The following GRIN2D variants were observed in gnomAD, a reference collection of about 807,000 sequenced individuals.
GRIN2D encodes the protein glutamate ionotropic receptor NMDA type subunit 2D.
A neutral mutation model predicts 103.2 loss-of-function variants in GRIN2D; 37 were observed. The observed-to-expected ratio is 0.36, with a 90% CI of 0.28 to 0.47. The LOEUF (loss-of-function observed/expected upper bound fraction) is 0.47. Ranked by LOEUF, GRIN2D falls within the 20% of genes least tolerant of loss-of-function variation. GRIN2D has a pLI of 1.00. For synonymous variants in GRIN2D, 845 were observed against 885.6 expected, an observed-to-expected ratio of 0.95 and a Z score of 0.81; for missense variants, 1,557 against 1,910.6, an observed-to-expected ratio of 0.81 and a Z score of 3.45.
At chr19:48,429,640 C>G (rs1265971750) in intron 11 of GRIN2D, among the ~76,000 whole-genome samples, 1 of 152,050 alleles carries the variant, frequency 6.6e-6, no homozygotes, top group East Asian at 1.9e-4. Flanking sequence ...CCTAGGTAAT[C>G]TGCCCACCTC....
intron 2 of GRIN2D, among the ~76,000 whole-genome samples, chr19:48,398,008 C>G (rs978006954): frequency 6.6e-6 from 1 of 151,732 alleles, no homozygotes; most frequent in Admixed American, 6.6e-5. Context: ...CCCACCTCTC[C>G]CTTCCACCTC....
chr19:48,402,222 G>A (rs147416222), intron 3 of GRIN2D, among the ~76,000 whole-genome samples: 76 of 152,272 alleles, frequency 5.0e-4, no homozygotes, highest in African/African-American at 1.8e-3. Context: ...GGGCAAGAAA[G>A]GGTGACAATG....
chr19:48,420,619 A>C (rs1375106291), intron 10 of GRIN2D, among the ~76,000 whole-genome samples: 1 of 152,076 alleles, frequency 6.6e-6, no homozygotes, highest in Non-Finnish European at 1.5e-5. Flanking sequence ...TGAGGTCAGG[A>C]GTTCGAGACC....
At chr19:48,419,405 C>CA in intron 9 of GRIN2D, 46 bp downstream of exon 9, 2 of 1,573,420 alleles carry the variant, frequency 1.3e-6, no homozygotes, top group Non-Finnish European at 1.7e-6. Flanking sequence ...TCCCGAACCA[C>CA]AGAGACAGAG....
chr19:48,395,785 G>A (rs1446274011), intron 2 of GRIN2D, among the ~76,000 whole-genome samples: 1 of 152,114 alleles, frequency 6.6e-6, no homozygotes, highest in Non-Finnish European at 1.5e-5. Context: ...AAACCAAAAG[G>A]GGATCCTTAA....
chr19:48,417,284 G>C (rs1310306763), intron 8 of GRIN2D, among the ~76,000 whole-genome samples: 1 of 152,110 alleles, frequency 6.6e-6, no homozygotes, highest in Non-Finnish European at 1.5e-5. Context: ...GAAGCAAGTG[G>C]CTGGTGGGGA....
intron 2 of GRIN2D, among the ~76,000 whole-genome samples, chr19:48,396,148 C>G (rs375685687): frequency 2.6e-5 from 4 of 151,058 alleles, no homozygotes; most frequent in Admixed American, 2.0e-4. Context: ...GAAGTGGAAA[C>G]GGAGGCTCAT....
At chr19:48,410,932 C>T (rs1970851040) in intron 4 of GRIN2D, among the ~76,000 whole-genome samples, 1 of 152,080 alleles carries the variant, frequency 6.6e-6, no homozygotes, top group Non-Finnish European at 1.5e-5. Context: ...TCAGAGTACC[C>T]AGGGTGATGT....
intron 12 of GRIN2D, 26 bp downstream of exon 12, chr19:48,441,982 C>A (rs754922535): frequency 2.8e-5 from 44 of 1,587,176 alleles, no homozygotes; most frequent in South Asian, 1.0e-4. Flanking sequence ...GGGATTTCCA[C>A]AGCGGAGAGG....
intron 11 of GRIN2D, among the ~76,000 whole-genome samples, chr19:48,429,201 A>G (rs1197425288): frequency 2.0e-5 from 3 of 151,818 alleles, no homozygotes; most frequent in African/African-American, 7.3e-5. Context: ...CATAGTTTGG[A>G]GAGTCAGATA....
At chr19:48,397,483 C>T (rs1471691546) in intron 2 of GRIN2D, among the ~76,000 whole-genome samples, 1 of 151,966 alleles carries the variant, frequency 6.6e-6, no homozygotes, top group Non-Finnish European at 1.5e-5. Flanking sequence ...TCCGCTCTGC[C>T]TGCCTCCCTC....
In GRIN2D at chr19:48,444,056, C is replaced by G. The variant is rs1971348983; in HGVS notation, c.*119C>G. The G allele has an allele frequency of 1.6e-6, 1 of 632,940 alleles. No homozygotes were observed. The highest frequency in any genetic ancestry group is 1.9e-5 in the African/African-American group (1 of 52,068). The allele number at this position is 632,940 out of a possible 1,614,324, so 39.2% of individuals were successfully genotyped here. A position where few individuals can be genotyped will look rare whatever the true frequency, so the allele number is the denominator to read the frequency against. On this transcript the variant is annotated 3_prime_UTR_variant, in exon 14 of 14. Transcript: ENST00000263269. This position sits in a 1 kb window ranked among gnomAD's most constrained non-coding sequence, Gnocchi z 5.5. ...GAAAGCAGTGGAACTGGCCGGACCC[C>G]GCCTGGAGCAGCGTCCTGCGCCCCC... is the stretch of plus-strand genomic sequence containing the variant.
Position 48,442,257 on chromosome 19 carries a change from T to A in GRIN2D, c.2548T>A (p.Tyr850Asn). Residue 850 changes from tyrosine (Y) to asparagine (N), a missense_variant, in exon 13 of 14, where the codon TAC (tyrosine) becomes AAC (asparagine). Physicochemically the swap from Tyr to Asn is moderately radical, Grantham distance 143. Coordinates refer to ENST00000263269, the MANE Select transcript of GRIN2D (RefSeq NM_000836.4). This position sits in a 1 kb window ranked among gnomAD's most constrained non-coding sequence, Gnocchi z 7.2. ...LDIDNMAGVF[Y>N]MLLVAMGLSL... ...CATCGACAACATGGCGGGCGTCTTC[T>A]ACATGCTCCTGGTGGCCATGGGCCT... is the stretch of plus-strand genomic sequence containing the variant. 1 of 1,614,164 alleles carries A rather than the reference T, an allele frequency of 6.2e-7. No individual in the cohort carries two copies. Among genetic ancestry groups the A allele is most frequent in the East Asian group, 2.2e-5 (1 of 44,878 alleles).
At chr19:48,411,423 G>A (rs1400294061) in intron 4 of GRIN2D, among the ~76,000 whole-genome samples, 1 of 151,736 alleles carries the variant, frequency 6.6e-6, no homozygotes, top group Non-Finnish European at 1.5e-5. Context: ...AGGCCGAGGT[G>A]GGCAGATCAC....
At chr19:48,436,145 C>T (rs999212939) in intron 11 of GRIN2D, among the ~76,000 whole-genome samples, 1 of 152,148 alleles carries the variant, frequency 6.6e-6, no homozygotes, top group African/African-American at 2.4e-5. Flanking sequence ...CACGCAGAGC[C>T]GGCTGTGTGG....
At chr19:48,441,180 T>A (rs1031055646) in intron 11 of GRIN2D, among the ~76,000 whole-genome samples, 2 of 151,630 alleles carry the variant, frequency 1.3e-5, no homozygotes, top group Admixed American at 1.3e-4. Flanking sequence ...CTGGCCAACA[T>A]GGTGGAACCC....
chr19:48,402,224 G>A (rs1305826770), intron 3 of GRIN2D, among the ~76,000 whole-genome samples: 1 of 152,146 alleles, frequency 6.6e-6, no homozygotes, highest in African/African-American at 2.4e-5. Context: ...GCAAGAAAGG[G>A]TGACAATGAG....
intron 11 of GRIN2D, among the ~76,000 whole-genome samples, chr19:48,433,404 T>C (rs1193663629): frequency 2.6e-5 from 4 of 151,964 alleles, no homozygotes; most frequent in Admixed American, 2.0e-4. Context: ...ATAAATAAAA[T>C]TTAAATGCAA....
chr19:48,398,953 G>T, intron 3 of GRIN2D, 96 bp downstream of exon 3: 1 of 1,077,342 alleles, frequency 9.3e-7, no homozygotes, highest in Non-Finnish European at 1.2e-6. Flanking sequence ...GGCCTAGAGG[G>T]GGCGGGGACT....
Sources: allele counts gnomAD v4.1 joint callset (sites outside exome capture counted in the v4.1 genomes callset), GRCh38; gene constraint gnomAD v4.1.1; non-coding constraint Gnocchi (gnomAD v3.1); transcripts MANE v1.5; gene names NCBI Gene and HGNC (gene_info 2026-07-23, HGNC 2026-07-21).